ADAM12: variants seen among roughly 807,000 people sequenced by gnomAD.
The protein encoded by ADAM12 is ADAM metallopeptidase domain 12, also known as disintegrin and metalloproteinase domain-containing protein 12.
In ADAM12, 70 loss-of-function variants were observed where a neutral mutation model predicts 106.4. The ratio of observed to expected loss-of-function variants is 0.66; its 90% CI spans 0.54 to 0.80. ADAM12 has a LOEUF of 0.80. Ranked by LOEUF, ADAM12 falls within the 30% of genes least tolerant of loss-of-function variation. ADAM12 has a pLI of 0.00. For synonymous variants in ADAM12, 420 were observed against 433.5 expected (o/e 0.97, Z 0.39); for missense variants, 1,010 against 1,171.9 (o/e 0.86, Z 2.02).
intron 4 of ADAM12, among the ~76,000 whole-genome samples, chr10:126,143,949 T>C (rs1956576525): frequency 2.0e-5 from 3 of 152,174 alleles, no homozygotes; most frequent in South Asian, 4.1e-4. Flanking sequence ...TGTGTTTCTA[T>C]AACTGGGCTA....
chr10:126,017,300 G>T lies in ADAM12; in HGVS notation c.2700C>A (p.Thr900=), dbSNP rs1431546321. The part of the protein sequence containing the change: ...PQYPHQVPRS[T]HTAYIK ...CTTCTCACTTAATATAGGCGGTGTG[G>T]GTGGATCTGGGCACTTGGTGTGGAT... The change falls in exon 23 of 23, where the codon ACC becomes ACA. Residue 900 remains threonine (T), a synonymous_variant. Coordinates refer to ENST00000448723, the MANE Select transcript of ADAM12 (RefSeq NM_001288973.2). 11 of 1,594,222 alleles carry T rather than the reference G, an allele frequency of 6.9e-6. No homozygotes were observed. The African/African-American group carries it at 1.2e-4, about 17-fold the overall frequency.
intron 3 of ADAM12, among the ~76,000 whole-genome samples, chr10:126,164,094 C>T (rs1365630220): frequency 6.6e-6 from 1 of 152,108 alleles, no homozygotes; most frequent in Non-Finnish European, 1.5e-5. Flanking sequence ...TTTCAAACTG[C>T]TTAAATGAGG....
intron 21 of ADAM12, among the ~76,000 whole-genome samples, chr10:126,020,671 C>T (rs987475704): frequency 4.6e-5 from 7 of 152,084 alleles, no homozygotes; most frequent in Middle Eastern, 3.4e-3. Flanking sequence ...TCCTTCATGC[C>T]GCAATTTAAA....
At chr10:126,046,177 A>G (rs751751254) in intron 16 of ADAM12, 45 bp from the exon 17 acceptor site, 23 of 1,562,662 alleles carry the variant, frequency 1.5e-5, no homozygotes, top group African/African-American at 4.1e-5. Context: ...TATTTCTCCA[A>G]CCCCTCCAGC....
At chr10:126,079,490 T>C (rs1955170563) in intron 11 of ADAM12, among the ~76,000 whole-genome samples, 1 of 152,222 alleles carries the variant, frequency 6.6e-6, no homozygotes, top group Non-Finnish European at 1.5e-5. Flanking sequence ...AGCCACATGG[T>C]AGCATGCATC....
Position 126,155,402 on chromosome 10 carries a change from T to C in ADAM12, c.261-97A>G, listed in dbSNP as rs1276229785. The C allele has an allele frequency of 4.7e-6, 5 of 1,056,930 alleles. No homozygotes were observed. The African/African-American group carries it at 6.7e-5, about 14-fold the overall frequency. 65.5% of individuals were successfully genotyped at this position (1,056,930 alleles called of 1,614,324 possible). Reference sequence around the variant, plus strand: ...GCTATAGGGTAGCAAGATTGTGACCTCCTTTTTTTTTTTTTAACAGATAAT... The same window carrying C: ...GCTATAGGGTAGCAAGATTGTGACCCCCTTTTTTTTTTTTTAACAGATAAT... On this transcript the variant is annotated intron_variant, in intron 3 of 22. Coordinates refer to ENST00000448723, the MANE Select transcript of ADAM12 (RefSeq NM_001288973.2).
intron 3 of ADAM12, among the ~76,000 whole-genome samples, chr10:126,179,740 C>T (rs897116661): frequency 3.3e-5 from 5 of 152,012 alleles, no homozygotes; most frequent in Admixed American, 6.6e-5. Flanking sequence ...CTTCTGGTCT[C>T]GTGTGGGTGA....
At position 126,049,149 on chromosome 10, in the gene ADAM12, A is replaced by C. The variant is rs930354899; in HGVS notation, c.1917+104T>G. ...CTTCTAGGTGCATCTGAGAAGAAGTAGATTTAGGAAAACCAACAAACCTTG... is the reference window on the plus strand; with the variant it reads ...CTTCTAGGTGCATCTGAGAAGAAGTCGATTTAGGAAAACCAACAAACCTTG... On this transcript the variant is annotated intron_variant, in intron 16 of 22. Transcript: ENST00000448723. This position sits in a 1 kb window ranked among gnomAD's most constrained non-coding sequence, Gnocchi z 4.4. The C allele has an allele frequency of 7.2e-5, 102 of 1,421,206 alleles. No individual in the cohort carries two copies. The highest frequency in any genetic ancestry group is 9.4e-5 in the Non-Finnish European group (96 of 1,025,946). 88.0% of individuals were successfully genotyped at this position (1,421,206 alleles called of 1,614,324 possible).
At chr10:126,196,622 G>A (rs936396755) in intron 3 of ADAM12, among the ~76,000 whole-genome samples, 6 of 152,230 alleles carry the variant, frequency 3.9e-5, no homozygotes, top group African/African-American at 1.4e-4. Flanking sequence ...GGATACAAGA[G>A]TGGGTAAGAA....
chr10:126,266,428 G>A (rs1959098626), intron 3 of ADAM12, among the ~76,000 whole-genome samples: 2 of 152,176 alleles, frequency 1.3e-5, no homozygotes, highest in South Asian at 4.1e-4. Flanking sequence ...CTGCTTGCAG[G>A]AAGGAAGATG....
intron 3 of ADAM12, among the ~76,000 whole-genome samples, chr10:126,251,022 A>G (rs1157236459): frequency 6.6e-6 from 1 of 152,216 alleles, no homozygotes; most frequent in Non-Finnish European, 1.5e-5. Flanking sequence ...ATCAATCCCC[A>G]TAAGATTCTT....
At position 126,017,446 on chromosome 10, in the gene ADAM12, C is replaced by T. The variant is rs577781694; in HGVS notation, c.2661-107G>A. 6 of 1,131,882 alleles carry T rather than the reference C, an allele frequency of 5.3e-6. No individual in the cohort carries two copies. The South Asian group carries it at 9.2e-5, about 17-fold the overall frequency. 70.1% of individuals were successfully genotyped at this position (1,131,882 alleles called of 1,614,324 possible). On this transcript the variant is annotated intron_variant, in intron 22 of 22. Transcript: ENST00000448723. ...GTATTCTGATAGTCTGAAGGGTTTT[C>T]TGTGTCAGATACCACTGCCCCTCAT...
At chr10:126,039,163 G>A (rs1287339027) in intron 19 of ADAM12, 131 bp downstream of exon 19, 1 of 1,061,160 alleles carries the variant, frequency 9.4e-7, no homozygotes, top group Non-Finnish European at 1.3e-6. Flanking sequence ...GTTTCACCGT[G>A]GTCTCGATCT....
intron 3 of ADAM12, 23 bp from the exon 4 acceptor site, chr10:126,155,328 T>C (rs1249260698): frequency 4.4e-6 from 7 of 1,603,192 alleles, no homozygotes; most frequent in East Asian, 2.2e-5. Flanking sequence ...AAAAACACCA[T>C]AAAAAGATGA....
chr10:126,207,496 A>T (rs144878904), intron 3 of ADAM12, among the ~76,000 whole-genome samples: 50 of 152,354 alleles, frequency 3.3e-4, no homozygotes, highest in Non-Finnish European at 2.6e-4. Flanking sequence ...CTCATGATAC[A>T]TCTGTGCAAT....
chr10:126,062,105 G>A (rs1363138591), intron 14 of ADAM12, among the ~76,000 whole-genome samples: 2 of 152,128 alleles, frequency 1.3e-5, no homozygotes, highest in African/African-American at 4.8e-5. Flanking sequence ...GAGGAGGGGC[G>A]GGCAGGACAG....
chr10:126,370,416 C>A (rs901948749), intron 1 of ADAM12, among the ~76,000 whole-genome samples: 1 of 152,182 alleles, frequency 6.6e-6, no homozygotes, highest in African/African-American at 2.4e-5. Context: ...TGAGAGGAAA[C>A]AGAAGATAGT....
intron 2 of ADAM12, among the ~76,000 whole-genome samples, chr10:126,309,267 G>T (rs926398245): frequency 1.3e-5 from 2 of 152,182 alleles, no homozygotes; most frequent in Non-Finnish European, 2.9e-5. Flanking sequence ...TGTTGAGAAG[G>T]GGAGACAAGA....
chr10:126,063,063 C>G (rs1052570235), intron 14 of ADAM12, among the ~76,000 whole-genome samples: 3 of 152,248 alleles, frequency 2.0e-5, no homozygotes, highest in Middle Eastern at 3.2e-3. Context: ...CTCCTGCCCC[C>G]TGCTTTGCCC....
Sources: gnomAD v4.1 joint callset for allele counts (sites outside exome capture counted in the v4.1 genomes callset) on GRCh38, gnomAD v4.1.1 for gene constraint, Gnocchi (gnomAD v3.1) non-coding constraint, MANE v1.5 for transcripts, NCBI Gene and HGNC (gene_info 2026-07-23, HGNC 2026-07-21) for gene names.